SHROOM4: variants seen among roughly 807,000 people sequenced by gnomAD.
SHROOM4 encodes the protein shroom family member 4.
SHROOM4 carries 17 observed loss-of-function variants against 80.3 expected under a neutral mutation model. That is an observed-to-expected ratio of 0.21 (90% CI 0.14 to 0.32). SHROOM4 has a LOEUF of 0.32. Ranked by LOEUF, SHROOM4 falls within the 10% of genes least tolerant of loss-of-function variation. The probability of loss-of-function intolerance (pLI) is 1.00; values close to 1 mark genes in which losing one functional copy is unlikely to be tolerated. For synonymous variants in SHROOM4, 400 were observed against 437.5 expected (o/e 0.91, Z 1.07); for missense variants, 993 against 1,140.3 (o/e 0.87, Z 1.86).
intron 1 of SHROOM4, among the ~76,000 whole-genome samples, chrX:50,804,272 C>T (rs1239211060): frequency 8.9e-6 from 1 of 111,732 alleles, no homozygotes; most frequent in African/African-American, 3.3e-5. Context: ...AATGACTTCC[C>T]AGGGTCACAC....
At chrX:50,809,258 C>T (rs367965621) in intron 1 of SHROOM4, among the ~76,000 whole-genome samples, 1 of 111,907 alleles carries the variant, frequency 8.9e-6, no homozygotes, top group African/African-American at 3.3e-5. Context: ...TCATTGTTCA[C>T]ATAATACCAC....
chrX:50,625,456 A>G (rs1315206303), intron 5 of SHROOM4, among the ~76,000 whole-genome samples: 8 of 112,269 alleles, frequency 7.1e-5, no homozygotes, highest in African/African-American at 2.3e-4. Context: ...TATTATAATC[A>G]TGCTTAGAAA....
At position 50,607,809 on chromosome X, in the gene SHROOM4, C is replaced by T. The variant is rs1929753100; in HGVS notation, c.3333G>A (p.Lys1111=). The T allele has an allele frequency of 3.3e-6, 4 of 1,209,322 alleles. No homozygotes were observed. Among genetic ancestry groups the T allele is most frequent in the Non-Finnish European group, 4.5e-6 (4 of 894,125 alleles). ...PPRPPPPNWE[K]YRLFRAAQQQ... ...GCTGGGCTGCACGAAAGAGCCTGTA[C>T]TTCTCCCAGTTGGGAGGAGGAGGGC... Residue 1111 remains lysine, a synonymous_variant, in exon 6 of 9, where the codon AAG becomes AAA. Coordinates refer to ENST00000376020, the MANE Select transcript of SHROOM4 (RefSeq NM_020717.5).
intron 7 of SHROOM4, among the ~76,000 whole-genome samples, chrX:50,598,937 C>A (rs148628813): frequency 2.5e-3 from 273 of 110,747 alleles, no homozygotes; most frequent in African/African-American, 8.4e-3. Flanking sequence ...GCGAGTCTTG[C>A]GTCTCGGCCT....
At position 50,635,623 on chromosome X, in the gene SHROOM4, G is replaced by A. The variant is rs139479620; in HGVS notation, c.450C>T (p.Thr150=). 343 of 1,207,295 alleles carry A rather than the reference G, an allele frequency of 2.8e-4. No individual in the cohort carries two copies. The highest frequency in any genetic ancestry group is 3.7e-4 in the Non-Finnish European group (330 of 894,604). Residue 150 remains threonine, a synonymous_variant, in exon 4 of 9, where the codon ACC becomes ACT. Transcript: ENST00000376020. ...TGCTGCCAATGGAGCTGCTTTTCTCGGTGCTGCAATGCCGGGAGAGTGGAC... is the reference window on the plus strand; with the variant it reads ...TGCTGCCAATGGAGCTGCTTTTCTCAGTGCTGCAATGCCGGGAGAGTGGAC... The part of the protein sequence containing the change: ...QWCPLSRHCS[T]EKSSSIGSME...
chrX:50,804,236 T>C (rs1158891196), intron 1 of SHROOM4, among the ~76,000 whole-genome samples: 1 of 111,691 alleles, frequency 9.0e-6, no homozygotes, highest in Non-Finnish European at 1.9e-5. Flanking sequence ...ATTTTGCAAA[T>C]AGGGCAATTG....
At chrX:50,774,871 A>C (rs1935472457) in intron 1 of SHROOM4, among the ~76,000 whole-genome samples, 1 of 111,919 alleles carries the variant, frequency 8.9e-6, no homozygotes. Flanking sequence ...ATTTATGAGC[A>C]CTGGATTCTA....
intron 1 of SHROOM4, among the ~76,000 whole-genome samples, chrX:50,712,996 G>T (rs1330848895): frequency 4.5e-5 from 5 of 111,381 alleles, no homozygotes; most frequent in Non-Finnish European, 9.4e-5. Flanking sequence ...GTAACAGGAA[G>T]GTTGACTGTT....
chrX:50,675,315 T>C (rs1602424687), intron 2 of SHROOM4, among the ~76,000 whole-genome samples: 1 of 111,512 alleles, frequency 9.0e-6, no homozygotes, highest in Non-Finnish European at 1.9e-5. Context: ...TAACAAACCT[T>C]CACTTGTACC....
chrX:50,722,901 T>C (rs1274898106), intron 1 of SHROOM4, among the ~76,000 whole-genome samples: 1 of 110,741 alleles, frequency 9.0e-6, no homozygotes, highest in East Asian at 2.9e-4. Flanking sequence ...GTTTCTTAAT[T>C]TATAGCTTTA....
chrX:50,635,257 G>A lies in SHROOM4; in HGVS notation c.816C>T (p.Gly272=). ...YQSGPAKAVR[G]PPQPPVRRDS... ...CCCGCCTCACTGGAGGTTGTGGTGGGCCCCTGACTGCTTTGGCGGGCCCTG... is the reference window on the plus strand; with the variant it reads ...CCCGCCTCACTGGAGGTTGTGGTGGACCCCTGACTGCTTTGGCGGGCCCTG... Residue 272 remains glycine (G), a synonymous_variant, in exon 4 of 9, where the codon GGC becomes GGT. Transcript: ENST00000376020. The A allele has an allele frequency of 8.3e-7, 1 of 1,201,991 alleles. No homozygotes were observed.
chrX:50,727,371 A>C (rs1172003444), intron 1 of SHROOM4, among the ~76,000 whole-genome samples: 1 of 112,076 alleles, frequency 8.9e-6, no homozygotes, highest in East Asian at 2.8e-4. Flanking sequence ...TTAGGAAGGC[A>C]TGATTGGTTT....
At chrX:50,724,054 C>A (rs1934190883) in intron 1 of SHROOM4, among the ~76,000 whole-genome samples, 1 of 110,303 alleles carries the variant, frequency 9.1e-6, no homozygotes, top group African/African-American at 3.3e-5. Flanking sequence ...CCTCTACTCC[C>A]TCCTTGGTGA....
rs782689886 is a variant in SHROOM4, at chrX:50,688,226, CATTTA to C, written c.269+7555_269+7559del. On this transcript the variant is annotated intron_variant, in intron 2 of 8. Coordinates refer to ENST00000376020, the MANE Select transcript of SHROOM4 (RefSeq NM_020717.5). ...AAATACGATTCTTTTTTCCACCAAC[CATTTA>C]AAATATATACATATATGTATGTATG... 5.0e-3 allele frequency among the ~76,000 whole-genome samples: 556 copies of C among 110,668 alleles called. 5 individuals are homozygous for C. Among genetic ancestry groups the C allele is most frequent in the African/African-American group, 0.017 (511 of 30,543 alleles).
At position 50,591,604 on chromosome X, in the gene SHROOM4, G is replaced by A. The variant is rs782462337; in HGVS notation, c.*5091C>T. On this transcript the variant is annotated 3_prime_UTR_variant, in exon 9 of 9. Transcript: ENST00000376020. ...TTATAGTTTTCAGTGTAAAAGTTTC[G>A]CACTTCTTTTGTTAAATTATTCCTA... 1.5e-5 allele frequency: 4 copies of A among 274,330 alleles called. No homozygotes were observed. Among genetic ancestry groups the A allele is most frequent in the East Asian group, 1.1e-4 (1 of 9,074 alleles). The allele number at this position is 274,330 out of a possible 1,213,427, so 22.6% of individuals were successfully genotyped here. A position where few individuals can be genotyped will look rare whatever the true frequency, so the allele number is the denominator to read the frequency against.
intron 2 of SHROOM4, among the ~76,000 whole-genome samples, chrX:50,651,039 A>C (rs1557258646): frequency 8.9e-6 from 1 of 111,763 alleles, no homozygotes; most frequent in East Asian, 2.8e-4. Flanking sequence ...AAAGGAAAAG[A>C]GAAGTCAAGT....
At chrX:50,813,179 G>GGCGGCA (rs1557273645) in intron 1 of SHROOM4, among the ~76,000 whole-genome samples, 1 of 109,616 alleles carries the variant, frequency 9.1e-6, no homozygotes. Flanking sequence ...CGGCGGCGGC[G>GGCGGCA]GCGGCGGCAG....
At chrX:50,785,074 A>T (rs1420336050) in intron 1 of SHROOM4, among the ~76,000 whole-genome samples, 2 of 112,129 alleles carry the variant, frequency 1.8e-5, no homozygotes, top group African/African-American at 6.5e-5. Flanking sequence ...TCCAATACAT[A>T]TCTATTAGAC....
chrX:50,771,556 TAAGG>T (rs1384930722), intron 1 of SHROOM4, among the ~76,000 whole-genome samples: 1 of 111,902 alleles, frequency 8.9e-6, no homozygotes, highest in Non-Finnish European at 1.9e-5. Flanking sequence ...TTCTAGCCCA[TAAGG>T]TCATTGGTCT....
Sources: gnomAD v4.1 joint callset for allele counts (sites outside exome capture counted in the v4.1 genomes callset) on GRCh38, gnomAD v4.1.1 for gene constraint, MANE v1.5 for transcripts, NCBI Gene and HGNC (gene_info 2026-07-23, HGNC 2026-07-21) for gene names.